The following CEP128 variants were observed in gnomAD, a reference collection of about 807,000 sequenced individuals.
CEP128 encodes the protein centrosomal protein 128.
A neutral mutation model predicts 156.7 loss-of-function variants in CEP128; 132 were observed. The ratio of observed to expected loss-of-function variants is 0.84; its 90% CI spans 0.73 to 0.97. CEP128 has a LOEUF of 0.97. Among genes scored for constraint, CEP128 ranks in the 50% least tolerant of loss-of-function variants. The probability of loss-of-function intolerance (pLI) is 0.00; values close to 1 mark genes in which losing one functional copy is unlikely to be tolerated. For synonymous variants in CEP128, 469 were observed against 448.9 expected, an observed-to-expected ratio of 1.04 and a Z score of -0.57; for missense variants, 1,252 against 1,281.9, an observed-to-expected ratio of 0.98 and a Z score of 0.36.
upstream of CEP128, among the ~76,000 whole-genome samples, chr14:80,944,886 A>C (rs1259771381): frequency 2.0e-5 from 3 of 150,970 alleles, no homozygotes; most frequent in African/African-American, 7.3e-5. Context: ...ACAAAAAAAA[A>C]AAAAACCACT....
chr14:80,778,815 T>G (rs1026550634), intron 15 of CEP128, among the ~76,000 whole-genome samples: 17 of 152,198 alleles, frequency 1.1e-4, no homozygotes, highest in Non-Finnish European at 2.2e-4. Flanking sequence ...AAAATAACAA[T>G]AATGTAAACA....
rs1595088679 is a variant in CEP128 at position 80,612,996 on chromosome 14, A to G, written c.2807-32573T>C. 2.1e-5 allele frequency among the ~76,000 whole-genome samples: 3 copies of G among 140,948 alleles called. No homozygotes were observed. The South Asian group carries it at 7.1e-4, about 34-fold the overall frequency. The allele number at this position is 140,948 out of a possible 152,430, so 92.5% of individuals were successfully genotyped here. On this transcript the variant is annotated intron_variant, in intron 19 of 24. Transcript: ENST00000555265. ...GCTGGGACTACAGGTGCACGCCGCC[A>G]CACCCGGCGAATTTTTTTTTTTTTT...
At chr14:80,708,874 T>C (rs1052281258) in intron 19 of CEP128, among the ~76,000 whole-genome samples, 1 of 152,080 alleles carries the variant, frequency 6.6e-6, no homozygotes, top group East Asian at 1.9e-4. Flanking sequence ...AAATATCCAG[T>C]TGTTACAGCA....
chr14:80,595,558 C>A (rs755098294), intron 19 of CEP128, among the ~76,000 whole-genome samples: 5 of 152,130 alleles, frequency 3.3e-5, no homozygotes, highest in Non-Finnish European at 7.3e-5. Context: ...ATCACATAGA[C>A]TGATAAGCCA....
At position 80,955,902 on chromosome 14, in the gene CEP128, A is replaced by C. The variant is rs751190294; in HGVS notation, c.-172+2276T>G. ...GGACCCAGAGATCAAGGGCATCTGCAGAGGTGGCCCGAAGTGCACAAAAGC... is the reference window on the plus strand; with the variant it reads ...GGACCCAGAGATCAAGGGCATCTGCCGAGGTGGCCCGAAGTGCACAAAAGC... On this transcript the variant is annotated intron_variant, in intron 2 of 7. Coordinates refer to the CEP128 transcript ENST00000555529. 1.7e-5 allele frequency: 27 copies of C among 1,612,592 alleles called. 1 individual carries two copies. The Admixed American group carries it at 4.5e-4, about 27-fold the overall frequency.
At chr14:80,709,735 T>A (rs1897336568) in intron 19 of CEP128, among the ~76,000 whole-genome samples, 1 of 152,206 alleles carries the variant, frequency 6.6e-6, no homozygotes, top group Non-Finnish European at 1.5e-5. Flanking sequence ...GTATTTCAGT[T>A]TTCCTCATAT....
At chr14:80,800,399 C>T (rs746233212) in intron 13 of CEP128, among the ~76,000 whole-genome samples, 19 of 152,140 alleles carry the variant, frequency 1.2e-4, no homozygotes, top group Non-Finnish European at 2.2e-4. Flanking sequence ...GAATTAGTGA[C>T]ATAATCCAAT....
intron 1 of CEP128, among the ~76,000 whole-genome samples, chr14:80,958,561 G>A (rs1488597309): frequency 1.3e-5 from 2 of 152,062 alleles, no homozygotes; most frequent in African/African-American, 4.8e-5. Context: ...AGGTTAGCAG[G>A]GAAAGGAAAG....
intron 19 of CEP128, among the ~76,000 whole-genome samples, chr14:80,678,797 G>A (rs924988896): frequency 2.6e-5 from 4 of 152,148 alleles, no homozygotes; most frequent in Non-Finnish European, 4.4e-5. Flanking sequence ...CAAGACTCAG[G>A]ACCAAGAGCA....
intron 9 of CEP128, among the ~76,000 whole-genome samples, chr14:80,853,444 G>A (rs1886994159): frequency 6.6e-6 from 1 of 151,734 alleles, no homozygotes; most frequent in African/African-American, 2.4e-5. Flanking sequence ...GAGCAAAATT[G>A]TTGGATATAA....
chr14:80,801,153 T>C (rs1222608347), intron 13 of CEP128, among the ~76,000 whole-genome samples: 1 of 152,200 alleles, frequency 6.6e-6, no homozygotes, highest in Non-Finnish European at 1.5e-5. Context: ...ATGATGGGGT[T>C]TTCTAAATAT....
At chr14:80,744,277 C>G (rs1898984443) in intron 18 of CEP128, among the ~76,000 whole-genome samples, 1 of 152,062 alleles carries the variant, frequency 6.6e-6, no homozygotes, top group South Asian at 2.1e-4. Context: ...TAGGACCTTC[C>G]TAAGTCAGGC....
At chr14:80,762,235 G>A (rs533449864) in intron 16 of CEP128, among the ~76,000 whole-genome samples, 7 of 151,614 alleles carry the variant, frequency 4.6e-5, no homozygotes, top group Admixed American at 4.6e-4. Flanking sequence ...AAGGACTTGG[G>A]GACCCACTCT....
At chr14:80,745,343 C>T (rs1374107424) in intron 18 of CEP128, among the ~76,000 whole-genome samples, 2 of 152,162 alleles carry the variant, frequency 1.3e-5, no homozygotes, top group Non-Finnish European at 2.9e-5. Flanking sequence ...TCAATTAAAC[C>T]TCTTTTCTTT....
At chr14:80,624,275 T>TATGGCCATGAAAAGATTTCATTC (rs1161086347) in intron 19 of CEP128, among the ~76,000 whole-genome samples, 3 of 152,158 alleles carry the variant, frequency 2.0e-5, no homozygotes, top group Non-Finnish European at 4.4e-5. Flanking sequence ...TCATGGCTTC[T>TATGGCCATGAAAAGATTTCATTC]TTTTTATCCC....
At chr14:80,542,272 TACTTGGTATC>T (rs1889799184) in intron 21 of CEP128, among the ~76,000 whole-genome samples, 1 of 152,226 alleles carries the variant, frequency 6.6e-6, no homozygotes, top group African/African-American at 2.4e-5. Flanking sequence ...CAATGCTGAG[TACTTGGTATC>T]ACACATGAAT....
chr14:80,886,680 A>G (rs974765752), intron 8 of CEP128, among the ~76,000 whole-genome samples: 10 of 152,214 alleles, frequency 6.6e-5, no homozygotes, highest in African/African-American at 2.4e-4. Flanking sequence ...AAAACATACC[A>G]AATTGTAAAG....
At chr14:80,938,621 T>C (rs1885970970) in intron 2 of CEP128, among the ~76,000 whole-genome samples, 1 of 152,048 alleles carries the variant, frequency 6.6e-6, no homozygotes, top group African/African-American at 2.4e-5. Context: ...TCGAGCACAA[T>C]ATGAAATCCA....
At chr14:80,663,188 G>A (rs1036006835) in intron 19 of CEP128, among the ~76,000 whole-genome samples, 1 of 152,104 alleles carries the variant, frequency 6.6e-6, no homozygotes, top group Admixed American at 6.5e-5. Context: ...TCATGTCAGA[G>A]GCAAAGAAAA....
Sources: gnomAD v4.1 joint callset for allele counts (sites outside exome capture counted in the v4.1 genomes callset) on GRCh38, gnomAD v4.1.1 for gene constraint, MANE v1.5 for transcripts, NCBI Gene and HGNC (gene_info 2026-07-23, HGNC 2026-07-21) for gene names.